Variants in MTMR4 observed in about 807,000 individuals in gnomAD.
MTMR4 encodes phosphatidylinositol-3,5-bisphosphate 3-phosphatase MTMR4.
MTMR4 carries 30 observed loss-of-function variants against 125.5 expected under a neutral mutation model. The observed-to-expected ratio is 0.24, with a 90% CI of 0.18 to 0.32. MTMR4 has a LOEUF of 0.32. Among genes scored for constraint, MTMR4 ranks in the 10% least tolerant of loss-of-function variants. The probability of loss-of-function intolerance (pLI) is 1.00; values close to 1 mark genes in which losing one functional copy is unlikely to be tolerated. For synonymous variants in MTMR4, 498 were observed against 564.5 expected (o/e 0.88, Z 1.67); for missense variants, 1,039 against 1,511.5 (o/e 0.69, Z 5.18).
At chr17:58,493,917 G>A (rs1271390708) in intron 15 of MTMR4, among the ~76,000 whole-genome samples, 1 of 152,144 alleles carries the variant, frequency 6.6e-6, no homozygotes, top group African/African-American at 2.4e-5. Flanking sequence ...CAGAACCTGA[G>A]GCTGCCCAAC....
intron 15 of MTMR4, 48 bp downstream of exon 15, chr17:58,494,884 G>A (rs1975411750): frequency 6.5e-7 from 1 of 1,543,166 alleles, no homozygotes; most frequent in Non-Finnish European, 8.9e-7. Context: ...AGGGAAGGCT[G>A]GATGAACAGA....
chr17:58,503,945 CT>C, intron 13 of MTMR4, 47 bp from the exon 14 acceptor site: 1 of 1,585,950 alleles, frequency 6.3e-7, no homozygotes. Context: ...GTTCCTTGTC[CT>C]TTTTCTTTCC....
intron 9 of MTMR4, 146 bp from the exon 10 acceptor site, chr17:58,505,729 G>A: frequency 2.1e-6 from 1 of 466,020 alleles, no homozygotes; most frequent in Non-Finnish European, 4.1e-6. Flanking sequence ...CTAACACAGT[G>A]AAACCCCATC....
At chr17:58,516,447 G>A, upstream of MTMR4, 6 of 912,648 alleles carry the variant, frequency 6.6e-6, no homozygotes, top group Non-Finnish European at 1.1e-5. Context: ...TTATCTCCAG[G>A]GCAGATGAAC....
intron 14 of MTMR4, among the ~76,000 whole-genome samples, chr17:58,498,528 C>CG (rs1179802503): frequency 0.012 from 653 of 55,910 alleles, 14 homozygotes; most frequent in African/African-American, 0.044. Context: ...GAAGGAGAAG[C>CG]GGGGGAGGAG....
At position 58,489,638 on chromosome 17, in the gene MTMR4, CACTT is replaced by C. The variant is rs1269818459; in HGVS notation, c.*2021_*2024del. 1.3e-5 allele frequency: 2 copies of C among 152,166 alleles called. No individual in the cohort carries two copies. Among genetic ancestry groups the C allele is most frequent in the Admixed American group, 6.5e-5 (1 of 15,272 alleles). 9.4% of individuals were successfully genotyped at this position (152,166 alleles called of 1,614,324 possible). Reference sequence around the variant, plus strand: ...GTTTGGATTTTTGGCCACATCATGTCACTTACACCCACAACAGCTCTGAAAGGAG... The same window carrying C: ...GTTTGGATTTTTGGCCACATCATGTCACACCCACAACAGCTCTGAAAGGAG... On this transcript the variant is annotated 3_prime_UTR_variant, in exon 18 of 18. Coordinates refer to ENST00000682306, the MANE Select transcript of MTMR4 (RefSeq NM_001378067.1).
In MTMR4 at chr17:58,504,538, T is replaced by C; in HGVS notation, c.1342-50A>G. The C allele has an allele frequency of 6.3e-7, 1 of 1,585,586 alleles. No homozygotes were observed. The highest frequency in any genetic ancestry group is 1.1e-5 in the South Asian group (1 of 89,630). On this transcript the variant is annotated intron_variant, in intron 11 of 17. Transcript: ENST00000682306. This position sits in a 1 kb window ranked among gnomAD's most constrained non-coding sequence, Gnocchi z 7.1. ...CATAGGGCCTCTCTGGAAATGCTGA[T>C]GTGCTACTCCCCTGGGAACTGCCCA...
Position 58,508,779 on chromosome 17 carries a change from G to T in MTMR4, c.398C>A (p.Ala133Glu). The T allele has an allele frequency of 1.2e-6, 2 of 1,614,190 alleles. No individual in the cohort carries two copies. Among genetic ancestry groups the T allele is most frequent in the Non-Finnish European group, 1.7e-6 (2 of 1,180,044 alleles). ...EWLSRLSRAT[A>E]RPAKPEDLFA... ...GAGGTCTTCAGGCTTGGCAGGTCTTGCTGTGGCTCGGCTTAGCCGTGAGAG... is the reference window on the plus strand; with the variant it reads ...GAGGTCTTCAGGCTTGGCAGGTCTTTCTGTGGCTCGGCTTAGCCGTGAGAG... The change falls in exon 5 of 18, where the codon GCA becomes GAA. Residue 133 changes from alanine to glutamate, a missense_variant. Ala to Glu is a moderately radical substitution (Grantham distance 107). This residue lies in a region of MTMR4 where 202 missense variants were observed against 311.9 expected (regional missense o/e 0.65). Coordinates refer to ENST00000682306, the MANE Select transcript of MTMR4 (RefSeq NM_001378067.1). This position sits in a 1 kb window ranked among gnomAD's most constrained non-coding sequence, Gnocchi z 4.8.
At position 58,506,730 on chromosome 17, in the gene MTMR4, A is replaced by T; in HGVS notation, c.1033+13T>A. 1.2e-6 allele frequency: 2 copies of T among 1,612,206 alleles called. 1 individual carries two copies. The highest frequency in any genetic ancestry group is 2.2e-5 in the South Asian group (2 of 90,956). ...GCACAGGCTGGCTGCAGACACTGGG[A>T]TAACAGCAATACCTTCACATTCACA... On this transcript the variant is annotated intron_variant, in intron 9 of 17. Coordinates refer to ENST00000682306, the MANE Select transcript of MTMR4 (RefSeq NM_001378067.1).
At chr17:58,493,675 C>A (rs1349002908) in intron 15 of MTMR4, among the ~76,000 whole-genome samples, 1 of 151,830 alleles carries the variant, frequency 6.6e-6, no homozygotes, top group Non-Finnish European at 1.5e-5. Flanking sequence ...TGCACAATAG[C>A]AGAGCTGAGT....
intron 4 of MTMR4, among the ~76,000 whole-genome samples, chr17:58,509,802 C>A (rs1227444067): frequency 1.3e-5 from 2 of 152,122 alleles, no homozygotes; most frequent in East Asian, 3.9e-4. Context: ...GTTTAGCCTC[C>A]TTGAAGGGAA....
intron 14 of MTMR4, among the ~76,000 whole-genome samples, chr17:58,503,375 C>T (rs1007480987): frequency 1.1e-4 from 17 of 152,152 alleles, no homozygotes; most frequent in African/African-American, 3.9e-4. Flanking sequence ...AGGCCGGGCA[C>T]GGTGGCTCAC....
In MTMR4 at chr17:58,511,418, G is replaced by A. The variant is rs545765708; in HGVS notation, c.335+11C>T. On this transcript the variant is annotated intron_variant, in intron 4 of 17. Transcript: ENST00000682306. ...GGCCAGGGGACCTGAGTGAGGCTCC[G>A]TTGTTCTCACCTCACCACTTTGGAG... The A allele has an allele frequency of 2.2e-5, 35 of 1,605,880 alleles. No homozygotes were observed. Among genetic ancestry groups the A allele is most frequent in the Admixed American group, 6.8e-5 (4 of 58,918 alleles).
Position 58,495,289 on chromosome 17 carries a change from G to T in MTMR4, c.2895C>A (p.Gly965=). ...QMRATGPCFG[G]QWAQREGVKS... ...TCACACCTTCTCTCTGAGCCCACTG[G>T]CCCCCAAAGCAGGGCCCTGTGGCCC... The change falls in exon 15 of 18, where the codon GGC becomes GGA. Residue 965 remains glycine, a synonymous_variant. Coordinates refer to ENST00000682306, the MANE Select transcript of MTMR4 (RefSeq NM_001378067.1). 1 of 1,614,184 alleles carries T rather than the reference G, an allele frequency of 6.2e-7. No individual in the cohort carries two copies. Among genetic ancestry groups the T allele is most frequent in the South Asian group, 1.1e-5 (1 of 91,082 alleles).
At position 58,508,631 on chromosome 17, in the gene MTMR4, A is replaced by C. The variant is rs373323206; in HGVS notation, c.496+50T>G. The C allele has an allele frequency of 3.1e-6, 5 of 1,613,826 alleles. No homozygotes were observed. In the African/African-American group the frequency reaches 6.7e-5, roughly 22 times the overall value. ...AATGTGCAGGAGTGGAGGAGGGATGAGAACTAAGGGGTAAGAAGCAGCCTC... is the reference window on the plus strand; with the variant it reads ...AATGTGCAGGAGTGGAGGAGGGATGCGAACTAAGGGGTAAGAAGCAGCCTC... On this transcript the variant is annotated intron_variant, in intron 5 of 17. Transcript: ENST00000682306. This position sits in a 1 kb window ranked among gnomAD's most constrained non-coding sequence, Gnocchi z 4.8.
chr17:58,514,528 G>A lies in MTMR4; in HGVS notation c.-121C>T. On this transcript the variant is annotated 5_prime_UTR_variant, in exon 1 of 18. Transcript: ENST00000682306. The stretch of plus-strand genomic sequence containing the variant: ...CAGGTGCAGCCGCGGCGGCCAAGAG[G>A]CTAGGGCGCTGGTGGCCGGGCCTCC... The A allele has an allele frequency of 1.0e-6, 1 of 985,158 alleles. No homozygotes were observed. Among genetic ancestry groups the A allele is most frequent in the Non-Finnish European group, 1.2e-6 (1 of 829,898 alleles). 61.0% of individuals were successfully genotyped at this position (985,158 alleles called of 1,614,324 possible). A position where few individuals can be genotyped will look rare whatever the true frequency, so the allele number is the denominator to read the frequency against.
At chr17:58,515,967 C>A (rs567825175), upstream of MTMR4, among the ~76,000 whole-genome samples, 14 of 152,340 alleles carry the variant, frequency 9.2e-5, no homozygotes, top group African/African-American at 3.4e-4. Context: ...GAGTTAAGGG[C>A]TTCCCTGGAC....
chr17:58,493,036 C>G, intron 15 of MTMR4, 84 bp from the exon 16 acceptor site: 1 of 981,236 alleles, frequency 1.0e-6, no homozygotes, highest in African/African-American at 1.6e-5. Flanking sequence ...GTGCTAAGTG[C>G]ATTACACACA....
chr17:58,511,618 T>C, intron 3 of MTMR4, 107 bp from the exon 4 acceptor site: 1 of 877,874 alleles, frequency 1.1e-6, no homozygotes, highest in Non-Finnish European at 1.8e-6. Flanking sequence ...GAAACCAACA[T>C]TTACTGAGGG....
Sources: allele counts gnomAD v4.1 joint callset (sites outside exome capture counted in the v4.1 genomes callset), GRCh38; gene constraint gnomAD v4.1.1; regional missense constraint gnomAD v4.1.1; non-coding constraint Gnocchi (gnomAD v3.1); transcripts MANE v1.5; gene names NCBI Gene and HGNC (gene_info 2026-07-23, HGNC 2026-07-21).